Variants in PIK3CB observed in about 807,000 individuals in gnomAD.
PIK3CB encodes phosphatidylinositol 4,5-bisphosphate 3-kinase catalytic subunit beta isoform.
A neutral mutation model predicts 136.8 loss-of-function variants in PIK3CB; 39 were observed. That is an observed-to-expected ratio of 0.29 (90% CI 0.22 to 0.37). The LOEUF (loss-of-function observed/expected upper bound fraction) is 0.37, where lower values mean the gene tolerates loss of function less well. Among genes scored for constraint, PIK3CB ranks in the 10% least tolerant of loss-of-function variants. PIK3CB has a pLI of 1.00. For synonymous variants in PIK3CB, 428 were observed against 436.6 expected, an observed-to-expected ratio of 0.98 and a Z score of 0.25; for missense variants, 868 against 1,275.4, an observed-to-expected ratio of 0.68 and a Z score of 4.87.
intron 4 of PIK3CB, among the ~76,000 whole-genome samples, chr3:138,746,392 G>A (rs1013988234): frequency 2.6e-5 from 4 of 151,866 alleles, no homozygotes; most frequent in Non-Finnish European, 5.9e-5. Context: ...CGGGCACGGT[G>A]GCTCACGCCT....
At chr3:138,657,952 C>G (rs986425643) in intron 21 of PIK3CB, 117 bp from the exon 22 acceptor site, 1 of 928,600 alleles carries the variant, frequency 1.1e-6, no homozygotes, top group Non-Finnish European at 1.6e-6. Context: ...CTGAGCCCTT[C>G]TCCCTCTGTT....
At chr3:138,803,225 T>A (rs1276536960) in intron 1 of PIK3CB, among the ~76,000 whole-genome samples, 1 of 152,012 alleles carries the variant, frequency 6.6e-6, no homozygotes, top group Non-Finnish European at 1.5e-5. Flanking sequence ...TTTAAAAAGG[T>A]TGGGAAGGGA....
At chr3:138,834,072 G>GCACGC (rs1934163228) in intron 1 of PIK3CB, among the ~76,000 whole-genome samples, 1 of 152,190 alleles carries the variant, frequency 6.6e-6, no homozygotes, top group African/African-American at 2.4e-5. Flanking sequence ...CCAGGAATTA[G>GCACGC]CAATAGCTAA....
intron 8 of PIK3CB, among the ~76,000 whole-genome samples, chr3:138,732,149 T>C (rs1182797692): frequency 1.3e-5 from 2 of 152,172 alleles, no homozygotes; most frequent in African/African-American, 4.8e-5. Flanking sequence ...AATCAACATA[T>C]CCATTACCAC....
intron 13 of PIK3CB, among the ~76,000 whole-genome samples, chr3:138,696,017 C>T (rs1380756928): frequency 6.6e-6 from 1 of 150,674 alleles, no homozygotes; most frequent in Non-Finnish European, 1.5e-5. Flanking sequence ...GTGATCCACC[C>T]ACCTTGGCCC....
At chr3:138,693,958 TA>T (rs1411129083) in intron 14 of PIK3CB, among the ~76,000 whole-genome samples, 4 of 34,032 alleles carry the variant, frequency 1.2e-4, no homozygotes, top group African/African-American at 2.3e-4. Flanking sequence ...TATATATATA[TA>T]TATATATTAT....
intron 1 of PIK3CB, among the ~76,000 whole-genome samples, chr3:138,810,950 G>A (rs930185472): frequency 2.6e-5 from 4 of 151,884 alleles, no homozygotes; most frequent in Admixed American, 2.0e-4. Flanking sequence ...AATGTCGGCC[G>A]GGCGCGGTGG....
chr3:138,749,454 A>G (rs1290000063), intron 4 of PIK3CB, among the ~76,000 whole-genome samples: 2 of 152,156 alleles, frequency 1.3e-5, no homozygotes, highest in Non-Finnish European at 2.9e-5. Flanking sequence ...TAATCTTTCT[A>G]AAATGCAAAT....
Position 138,742,784 on chromosome 3 carries a change from A to G in PIK3CB, c.398-3T>C. 6.5e-7 allele frequency: 1 copy of G among 1,545,234 alleles called. No homozygotes were observed. The highest frequency in any genetic ancestry group is 8.9e-7 in the Non-Finnish European group (1 of 1,129,346). On this transcript the variant is annotated splice_polypyrimidine_tract_variant and splice_region_variant and intron_variant, in intron 4 of 23. Transcript: ENST00000674063. ...CAAGGAATCAAATTCATGCAGACCT[A>G]AACACATTTTTTAAAGGTGTCATTT...
chr3:138,762,727 G>A (rs2045679122), intron 2 of PIK3CB, among the ~76,000 whole-genome samples: 1 of 152,154 alleles, frequency 6.6e-6, no homozygotes, highest in Admixed American at 6.5e-5. Flanking sequence ...GGAAGCCGAA[G>A]CAAGTGGAGT....
At chr3:138,806,170 A>G (rs897376876) in intron 1 of PIK3CB, among the ~76,000 whole-genome samples, 1 of 152,060 alleles carries the variant, frequency 6.6e-6, no homozygotes, top group Non-Finnish European at 1.5e-5. Flanking sequence ...TATTTATTAA[A>G]TCTTCAGTGA....
At chr3:138,674,554 G>C (rs1274324296) in intron 19 of PIK3CB, among the ~76,000 whole-genome samples, 1 of 152,174 alleles carries the variant, frequency 6.6e-6, no homozygotes, top group African/African-American at 2.4e-5. Context: ...GAAGGAATCT[G>C]AGTTTCAGAG....
chr3:138,786,061 T>G (rs1344782615), intron 2 of PIK3CB, among the ~76,000 whole-genome samples: 2 of 152,058 alleles, frequency 1.3e-5, no homozygotes, highest in Non-Finnish European at 2.9e-5. Flanking sequence ...ATGACCACAT[T>G]TACTGGAGTA....
chr3:138,656,256 C>T lies in PIK3CB; in HGVS notation c.2961G>A (p.Glu987=), dbSNP rs1577033077. 1.2e-6 allele frequency: 2 copies of T among 1,614,136 alleles called. No individual in the cohort carries two copies. Among genetic ancestry groups the T allele is most frequent in the Non-Finnish European group, 1.7e-6 (2 of 1,180,016 alleles). The change falls in exon 23 of 24, where the codon GAG becomes GAA. Residue 987 remains glutamate (E), a synonymous_variant. Coordinates refer to ENST00000674063, the MANE Select transcript of PIK3CB (RefSeq NM_006219.3). ...EKFGRFRQCC[E]DAYLILRRHG... ...GCCGTCGTAAAATCAGATATGCATC[C>T]TCACAACACTGGCGGAACCTTTGGG... is the stretch of plus-strand genomic sequence containing the variant.
intron 1 of PIK3CB, among the ~76,000 whole-genome samples, chr3:138,820,321 A>G (rs1421433931): frequency 6.6e-6 from 1 of 152,152 alleles, no homozygotes; most frequent in Non-Finnish European, 1.5e-5. Flanking sequence ...CAATTCAAAC[A>G]TCACCTCAGA....
intron 1 of PIK3CB, among the ~76,000 whole-genome samples, chr3:138,803,860 C>A (rs997282087): frequency 5.3e-5 from 8 of 152,080 alleles, no homozygotes; most frequent in African/African-American, 1.9e-4. Context: ...TAGGAAAGTT[C>A]CAGCCTCTCA....
chr3:138,685,536 C>A (rs361063), intron 16 of PIK3CB, among the ~76,000 whole-genome samples: 99,008 of 151,752 alleles, frequency 0.65, 33,759 homozygotes, highest in East Asian at 0.98. Flanking sequence ...GGCCAACTTC[C>A]TAGTATTAGA....
At chr3:138,824,633 C>T (rs1214111235) in intron 1 of PIK3CB, among the ~76,000 whole-genome samples, 1 of 151,680 alleles carries the variant, frequency 6.6e-6, no homozygotes, top group East Asian at 1.9e-4. Flanking sequence ...GCGGAGGTTG[C>T]AGTGAGCCAA....
chr3:138,780,427 T>A (rs1210196754), intron 2 of PIK3CB, among the ~76,000 whole-genome samples: 1 of 152,048 alleles, frequency 6.6e-6, no homozygotes, highest in East Asian at 1.9e-4. Flanking sequence ...TGTACCACCA[T>A]GCCCAGCTAA....
Sources: allele counts gnomAD v4.1 joint callset (sites outside exome capture counted in the v4.1 genomes callset), GRCh38; gene constraint gnomAD v4.1.1; transcripts MANE v1.5; gene names NCBI Gene and HGNC (gene_info 2026-07-23, HGNC 2026-07-21).